CCSER1: variants seen among roughly 807,000 people sequenced by gnomAD.
The protein encoded by CCSER1 is coiled-coil serine rich protein 1.
CCSER1 carries 41 observed loss-of-function variants against 82.0 expected under a neutral mutation model. The observed-to-expected ratio is 0.50, with a 90% CI of 0.39 to 0.65. The LOEUF is 0.65. Ranked by LOEUF, CCSER1 falls within the 30% of genes least tolerant of loss-of-function variation. The pLI is 0.00. For missense variants in CCSER1, 1,119 were observed against 1,064.2 expected (o/e 1.05, Z -0.72); for synonymous variants, 414 against 383.9 (o/e 1.08, Z -0.92).
intron 7 of CCSER1, among the ~76,000 whole-genome samples, chr4:90,808,321 A>T (rs1757790385): frequency 6.6e-6 from 1 of 152,154 alleles, no homozygotes; most frequent in South Asian, 2.1e-4. Context: ...GATTCTGGAC[A>T]TTGGCTTAGG....
intron 3 of CCSER1, among the ~76,000 whole-genome samples, chr4:90,334,106 A>G (rs1044830331): frequency 2.6e-5 from 4 of 152,208 alleles, no homozygotes; most frequent in African/African-American, 9.6e-5. Flanking sequence ...GGTGAGCTCA[A>G]GAGAAACCAA....
chr4:91,182,125 C>T (rs1473703771), intron 10 of CCSER1, among the ~76,000 whole-genome samples: 1 of 152,118 alleles, frequency 6.6e-6, no homozygotes, highest in Non-Finnish European at 1.5e-5. Flanking sequence ...ATGGGTGTTG[C>T]TCATGACAGT....
At chr4:90,435,317 TG>T (rs1443735148) in intron 4 of CCSER1, among the ~76,000 whole-genome samples, 2 of 152,106 alleles carry the variant, frequency 1.3e-5, no homozygotes, top group Non-Finnish European at 2.9e-5. Flanking sequence ...TATTTCATAT[TG>T]ATATTGGGCC....
chr4:90,695,179 C>T (rs1579976809), intron 6 of CCSER1, among the ~76,000 whole-genome samples: 1 of 151,338 alleles, frequency 6.6e-6, no homozygotes, highest in South Asian at 2.1e-4. Context: ...ATGTTAAATT[C>T]AAGGACACAG....
chr4:90,330,440 CA>C (rs1739067182), intron 3 of CCSER1, among the ~76,000 whole-genome samples: 1 of 152,098 alleles, frequency 6.6e-6, no homozygotes, highest in African/African-American at 2.4e-5. Flanking sequence ...TCATGAATCA[CA>C]GTGATTCTCA....
At chr4:91,224,525 G>A (rs1175629017) in intron 10 of CCSER1, among the ~76,000 whole-genome samples, 2 of 152,022 alleles carry the variant, frequency 1.3e-5, no homozygotes, top group Non-Finnish European at 2.9e-5. Flanking sequence ...CTTGAAATAT[G>A]ACTACGTGAC....
At chr4:90,751,328 A>G (rs1004279263) in intron 7 of CCSER1, among the ~76,000 whole-genome samples, 1 of 152,166 alleles carries the variant, frequency 6.6e-6, no homozygotes, top group African/African-American at 2.4e-5. Flanking sequence ...TGCTACATAA[A>G]TTAATACATT....
intron 5 of CCSER1, among the ~76,000 whole-genome samples, chr4:90,625,432 G>A (rs144209647): frequency 6.6e-6 from 1 of 152,238 alleles, no homozygotes; most frequent in East Asian, 1.9e-4. Flanking sequence ...TGGCTGTGCC[G>A]GCCTTTGCAG....
At chr4:90,623,958 T>C (rs138945663) in intron 5 of CCSER1, among the ~76,000 whole-genome samples, 7 of 152,186 alleles carry the variant, frequency 4.6e-5, no homozygotes. Context: ...GTAAATAACC[T>C]GAACCTTTTT....
At chr4:90,842,044 A>G (rs918234363) in intron 8 of CCSER1, among the ~76,000 whole-genome samples, 20 of 152,008 alleles carry the variant, frequency 1.3e-4, no homozygotes, top group African/African-American at 4.1e-4. Context: ...TTTTCCCATT[A>G]AAAAACACAG....
intron 10 of CCSER1, among the ~76,000 whole-genome samples, chr4:91,553,367 C>T (rs1355957593): frequency 6.6e-6 from 1 of 151,320 alleles, no homozygotes; most frequent in Admixed American, 6.6e-5. Flanking sequence ...TTTATTCTTA[C>T]AATGTTCTTG....
At chr4:91,587,127 A>G (rs1420474138) in intron 10 of CCSER1, among the ~76,000 whole-genome samples, 1 of 151,740 alleles carries the variant, frequency 6.6e-6, no homozygotes, top group East Asian at 1.9e-4. Context: ...TACTCAACAT[A>G]ACACACAATC....
intron 4 of CCSER1, among the ~76,000 whole-genome samples, chr4:90,408,015 G>A (rs576962133): frequency 1.1e-4 from 17 of 152,286 alleles, no homozygotes; most frequent in Admixed American, 3.9e-4. Context: ...AGGGTCCTAC[G>A]TCCACGGAGC....
intron 10 of CCSER1, among the ~76,000 whole-genome samples, chr4:91,251,250 C>G (rs533581903): frequency 1.3e-5 from 2 of 152,246 alleles, no homozygotes; most frequent in South Asian, 2.1e-4. Flanking sequence ...GGCCTTGCTC[C>G]TGGCTTGTTG....
chr4:91,136,986 T>G (rs557427520), intron 10 of CCSER1, among the ~76,000 whole-genome samples: 3 of 150,048 alleles, frequency 2.0e-5, no homozygotes, highest in African/African-American at 7.3e-5. Flanking sequence ...TTCACTTTAG[T>G]GATTATAGAA....
At chr4:91,425,459 AATT>A (rs1379482927) in intron 10 of CCSER1, among the ~76,000 whole-genome samples, 1 of 152,146 alleles carries the variant, frequency 6.6e-6, no homozygotes, top group African/African-American at 2.4e-5. Context: ...TTGTAATTGT[AATT>A]ATTATGTAAT....
intron 10 of CCSER1, among the ~76,000 whole-genome samples, chr4:91,310,399 C>A (rs1450918795): frequency 6.2e-4 from 87 of 140,172 alleles, no homozygotes; most frequent in South Asian, 7.0e-4. Flanking sequence ...AAAACCAATG[C>A]AAAAAAAAAA....
intron 10 of CCSER1, among the ~76,000 whole-genome samples, chr4:91,460,019 T>C (rs1756416945): frequency 6.6e-6 from 1 of 152,044 alleles, no homozygotes; most frequent in Admixed American, 6.6e-5. Flanking sequence ...TGAAGGGAAA[T>C]ATGTAGCCCT....
At chr4:90,654,176 G>GT (rs554407871) in intron 6 of CCSER1, among the ~76,000 whole-genome samples, 46 of 152,198 alleles carry the variant, frequency 3.0e-4, no homozygotes, top group African/African-American at 9.4e-4. Context: ...GATCCCTTAT[G>GT]TTTTGTTTCT....
Sources: allele counts gnomAD v4.1 joint callset (sites outside exome capture counted in the v4.1 genomes callset), GRCh38; gene constraint gnomAD v4.1.1; transcripts MANE v1.5; gene names NCBI Gene and HGNC (gene_info 2026-07-23, HGNC 2026-07-21).